The following OTUB1 variants were observed in gnomAD, a reference collection of about 807,000 sequenced individuals.
OTUB1 encodes the protein OTU deubiquitinase, ubiquitin aldehyde binding 1, also known as ubiquitin thioesterase OTUB1.
A neutral mutation model predicts 35.8 loss-of-function variants in OTUB1; 10 were observed. That is an observed-to-expected ratio of 0.28 (90% CI 0.17 to 0.47). The LOEUF (loss-of-function observed/expected upper bound fraction) is 0.47. Among genes scored for constraint, OTUB1 ranks in the 20% least tolerant of loss-of-function variants. The probability of loss-of-function intolerance (pLI) is 0.99; values close to 1 mark genes in which losing one functional copy is unlikely to be tolerated. For synonymous variants in OTUB1, 158 were observed against 143.8 expected, an observed-to-expected ratio of 1.10 and a Z score of -0.71; for missense variants, 264 against 351.6, an observed-to-expected ratio of 0.75 and a Z score of 1.99.
At position 63,991,747 on chromosome 11, in the gene OTUB1, G is replaced by A. The variant is rs1368560909; in HGVS notation, c.219+2995G>A. Reference sequence around the variant, plus strand: ...GGTCCTGGTGTGCTACTCATTTAACGTTTATTGAGAACGGACTGTGGTCCA... The same window carrying A: ...GGTCCTGGTGTGCTACTCATTTAACATTTATTGAGAACGGACTGTGGTCCA... On this transcript the variant is annotated intron_variant, in intron 3 of 6. Transcript: ENST00000538426. Among the ~76,000 whole-genome samples the A allele has an allele frequency of 7.2e-5, 11 of 152,308 alleles. No individual in the cohort carries two copies. In the East Asian group the frequency reaches 7.7e-4, roughly 11 times the overall value.
Position 63,996,887 on chromosome 11 carries a change from A to C in OTUB1, c.369A>C (p.Glu123Asp). Residue 123 changes from glutamate to aspartate, a missense_variant, in exon 5 of 7, where the codon GAA (glutamate) becomes GAC (aspartate). By Grantham distance (45) the Glu-to-Asp change is conservative. Coordinates refer to ENST00000538426, the MANE Select transcript of OTUB1 (RefSeq NM_017670.3). ...AGGCTGTGTCTGCCAAGAGCAAGGA[A>C]GACCTGGTGTCCCAGGGCTTCACTG... ...RFKAVSAKSK[E>D]DLVSQGFTEF... 1 of 1,614,142 alleles carries C rather than the reference A, an allele frequency of 6.2e-7. No homozygotes were observed. Among genetic ancestry groups the C allele is most frequent in the Middle Eastern group, 1.7e-4 (1 of 6,060 alleles).
intron 1 of OTUB1, among the ~76,000 whole-genome samples, chr11:63,987,731 G>A (rs1462054929): frequency 6.6e-6 from 1 of 152,218 alleles, no homozygotes; most frequent in Non-Finnish European, 1.5e-5. Context: ...ACCGCAAGAG[G>A]ATGAAGGCGG....
intron 1 of OTUB1, among the ~76,000 whole-genome samples, chr11:63,987,591 C>T (rs1052887420): frequency 1.3e-5 from 2 of 152,216 alleles, no homozygotes; most frequent in Non-Finnish European, 2.9e-5. Context: ...TGCTGAAGAG[C>T]TCAGCCTGGA....
In OTUB1 at chr11:63,997,580, C is replaced by G. The variant is rs764672942; in HGVS notation, c.*34C>G. 1.8e-4 allele frequency: 280 copies of G among 1,583,624 alleles called. No individual in the cohort carries two copies. In the South Asian group the frequency reaches 2.8e-3, roughly 16 times the overall value. On this transcript the variant is annotated 3_prime_UTR_variant, in exon 7 of 7. Transcript: ENST00000538426. ...CCAGCCCGCTGCTGCCCTGCTGCCC[C>G]CCTCTGCCAGGCGCTAGACATGTAC... is the stretch of plus-strand genomic sequence containing the variant.
intron 3 of OTUB1, 119 bp from the exon 4 acceptor site, chr11:63,996,411 G>A: frequency 1.9e-6 from 2 of 1,059,602 alleles, no homozygotes; most frequent in Non-Finnish European, 2.8e-6. Context: ...CAGGGTGGCA[G>A]GTGGCTGCTG....
chr11:63,995,392 C>T (rs1212130142), intron 3 of OTUB1, among the ~76,000 whole-genome samples: 4 of 152,126 alleles, frequency 2.6e-5, no homozygotes, highest in African/African-American at 7.2e-5. Context: ...GATGGAGTTT[C>T]GCCATGTTGG....
At chr11:63,988,490 C>A in intron 2 of OTUB1, 92 bp downstream of exon 2, 2 of 1,384,288 alleles carry the variant, frequency 1.4e-6, no homozygotes, top group South Asian at 2.4e-5. Context: ...TCTGTCTCTA[C>A]TTTGGAAGCT....
At chr11:63,992,558 T>A (rs556386622) in intron 3 of OTUB1, among the ~76,000 whole-genome samples, 1 of 151,892 alleles carries the variant, frequency 6.6e-6, no homozygotes, top group South Asian at 2.1e-4. Context: ...TCTTTTTTTT[T>A]GAGAGAGAGT....
At chr11:63,993,760 T>C (rs1385847797) in intron 3 of OTUB1, among the ~76,000 whole-genome samples, 2 of 152,052 alleles carry the variant, frequency 1.3e-5, no homozygotes, top group Non-Finnish European at 2.9e-5. Context: ...TTGCCCAGGC[T>C]AGCCTTCAAC....
At chr11:63,991,759 C>T (rs558126692) in intron 3 of OTUB1, among the ~76,000 whole-genome samples, 15 of 152,284 alleles carry the variant, frequency 9.9e-5, no homozygotes, top group Admixed American at 7.2e-4. Context: ...TTATTGAGAA[C>T]GGACTGTGGT....
Position 63,997,663 on chromosome 11 carries a change from A to ACC in OTUB1, c.*125_*126dup, listed in dbSNP as rs35556442. ...TTCACCCCCTTCTTCCTGTCACATGACCCCCCCCCATGTTTTATTAAAGGG... is the reference window on the plus strand; with the variant it reads ...TTCACCCCCTTCTTCCTGTCACATGACCCCCCCCCCCATGTTTTATTAAAGGG... On this transcript the variant is annotated 3_prime_UTR_variant, in exon 7 of 7. Transcript: ENST00000538426. 6.0e-4 allele frequency: 469 copies of ACC among 784,108 alleles called. 4 individuals are homozygous for ACC. Among genetic ancestry groups the ACC allele is most frequent in the African/African-American group, 5.0e-3 (277 of 55,208 alleles). The allele number at this position is 784,108 out of a possible 1,614,324, so 48.6% of individuals were successfully genotyped here.
At chr11:63,991,588 C>T (rs1030098835) in intron 3 of OTUB1, among the ~76,000 whole-genome samples, 3 of 152,244 alleles carry the variant, frequency 2.0e-5, no homozygotes, top group African/African-American at 7.2e-5. Flanking sequence ...GAGCTCCTCT[C>T]TCTCTAAATG....
chr11:63,996,363 G>A (rs572916550), intron 3 of OTUB1, among the ~76,000 whole-genome samples, 167 bp from the exon 4 acceptor site: 4 of 152,280 alleles, frequency 2.6e-5, no homozygotes, highest in South Asian at 2.1e-4. Context: ...GCAGTGGGCC[G>A]CTCCCATTGC....
chr11:63,997,290 G>A, intron 6 of OTUB1, 46 bp downstream of exon 6: 2 of 1,611,136 alleles, frequency 1.2e-6, no homozygotes, highest in Non-Finnish European at 1.7e-6. Context: ...AGTGCAGTGG[G>A]CCCACAGGGC....
Position 63,996,934 on chromosome 11 carries a change from A to C in OTUB1, c.416A>C (p.His139Pro). ...ACTGAATTCACAATTGAGGATTTCC[A>C]CAACACGGTGAGCCCTGGTGCCTGT... ...GFTEFTIEDF[H>P]NTFMDLIEQV... Residue 139 changes from histidine to proline, a missense_variant, in exon 5 of 7, where the codon CAC becomes CCC. This residue lies in a region of OTUB1 where 214 missense variants were observed against 317.1 expected (regional missense o/e 0.67). Transcript: ENST00000538426. The C allele has an allele frequency of 6.2e-7, 1 of 1,614,054 alleles. No individual in the cohort carries two copies. The highest frequency in any genetic ancestry group is 8.5e-7 in the Non-Finnish European group (1 of 1,179,958).
chr11:63,996,685 G>A (rs1942720436), intron 4 of OTUB1, 37 bp downstream of exon 4: 1 of 1,613,956 alleles, frequency 6.2e-7, no homozygotes, highest in Admixed American at 1.7e-5. Context: ...AGGCAGGTGG[G>A]TGTCTACCTC....
Position 63,998,316 on chromosome 11 carries a change from CTCTT to C in OTUB1, c.*772_*775del, listed in dbSNP as rs1657696388. On this transcript the variant is annotated 3_prime_UTR_variant, in exon 7 of 7. Coordinates refer to ENST00000538426, the MANE Select transcript of OTUB1 (RefSeq NM_017670.3). ...GCATTGCCTGCCTTTTTGCCTTCAC[CTCTT>C]TTCTTCCCCGCCCCCTGCACATTCG... The C allele has an allele frequency of 5.8e-6, 1 of 172,720 alleles. No homozygotes were observed. The highest frequency in any genetic ancestry group is 1.2e-5 in the Non-Finnish European group (1 of 80,078). 10.7% of individuals were successfully genotyped at this position (172,720 alleles called of 1,614,324 possible).
At position 63,997,592 on chromosome 11, in the gene OTUB1, C is replaced by T. The variant is rs552928353; in HGVS notation, c.*46C>T. 21 of 1,538,478 alleles carry T rather than the reference C, an allele frequency of 1.4e-5. No homozygotes were observed. The highest frequency in any genetic ancestry group is 5.6e-5 in the South Asian group (5 of 89,660). ...TGCCCTGCTGCCCCCCTCTGCCAGG[C>T]GCTAGACATGTACAGAGGTTTTTCT... On this transcript the variant is annotated 3_prime_UTR_variant, in exon 7 of 7. Transcript: ENST00000538426.
chr11:63,995,615 A>G (rs1337249695), intron 3 of OTUB1, among the ~76,000 whole-genome samples: 1 of 145,402 alleles, frequency 6.9e-6, no homozygotes, highest in Non-Finnish European at 1.5e-5. Flanking sequence ...GGTGTGAGCC[A>G]TGGCGCCCAG....
Sources: allele counts gnomAD v4.1 joint callset (sites outside exome capture counted in the v4.1 genomes callset), GRCh38; gene constraint gnomAD v4.1.1; regional missense constraint gnomAD v4.1.1; transcripts MANE v1.5; gene names NCBI Gene and HGNC (gene_info 2026-07-23, HGNC 2026-07-21).